The following PGAP3 variants were observed in gnomAD, a reference collection of about 807,000 sequenced individuals.
PGAP3 encodes GPI-specific phospholipase A2-like PGAP3.
Under a neutral mutation model 40.3 loss-of-function variants are expected in PGAP3, and 31 were observed. That is an observed-to-expected ratio of 0.77 (90% CI 0.58 to 1.04). The LOEUF is 1.04. Among genes scored for constraint, PGAP3 ranks in the 50% least tolerant of loss-of-function variants. PGAP3 has a pLI of 0.00. For synonymous variants in PGAP3, 191 were observed against 184.5 expected (o/e 1.04, Z -0.29); for missense variants, 413 against 423.0 (o/e 0.98, Z 0.21).
intron 5 of PGAP3, 51 bp from the exon 6 acceptor site, chr17:39,673,701 C>G (rs755181506): frequency 1.9e-6 from 3 of 1,603,692 alleles, no homozygotes; most frequent in Non-Finnish European, 2.6e-6. Context: ...ATCCCCAGAG[C>G]AGCATTCCCT....
intron 3 of PGAP3, among the ~76,000 whole-genome samples, chr17:39,676,303 G>A (rs2057374450): frequency 6.6e-6 from 1 of 152,180 alleles, no homozygotes; most frequent in African/African-American, 2.4e-5. Context: ...GCCAATGTGG[G>A]AAGGAGAAGA....
chr17:39,680,122 C>G (rs147254219), intron 3 of PGAP3, among the ~76,000 whole-genome samples: 6 of 152,178 alleles, frequency 3.9e-5, no homozygotes, highest in African/African-American at 1.4e-4. Flanking sequence ...AGTGCTAAAC[C>G]CTGTCTCCAC....
chr17:39,685,877 C>A (rs752851537), intron 2 of PGAP3, 45 bp downstream of exon 2: 3 of 1,554,654 alleles, frequency 1.9e-6, no homozygotes, highest in South Asian at 1.1e-5. Context: ...GTATATTACT[C>A]CTACCACGCT....
chr17:39,675,339 T>C (rs942312608), intron 3 of PGAP3, among the ~76,000 whole-genome samples: 2 of 152,240 alleles, frequency 1.3e-5, no homozygotes, highest in African/African-American at 4.8e-5. Flanking sequence ...TGAGGCCTTC[T>C]TCCTGGAAAT....
intron 3 of PGAP3, among the ~76,000 whole-genome samples, chr17:39,679,976 G>A (rs2057419514): frequency 6.6e-6 from 1 of 152,096 alleles, no homozygotes; most frequent in Non-Finnish European, 1.5e-5. Flanking sequence ...AGAGGACGCG[G>A]TCTCCCCACC....
At chr17:39,677,124 C>G (rs1411081502) in intron 3 of PGAP3, among the ~76,000 whole-genome samples, 5 of 152,216 alleles carry the variant, frequency 3.3e-5, no homozygotes, top group African/African-American at 1.2e-4. Context: ...TGAGCCTCCA[C>G]TGCCTCACCT....
chr17:39,684,799 T>C (rs891677883), intron 2 of PGAP3, 50 bp from the exon 3 acceptor site: 10 of 1,508,348 alleles, frequency 6.6e-6, no homozygotes, highest in Middle Eastern at 1.8e-4. Flanking sequence ...AACCCTCAAC[T>C]GGCCCAGTCC....
chr17:39,687,767 C>T (rs929015004), intron 1 of PGAP3, 67 bp downstream of exon 1: 5 of 1,199,878 alleles, frequency 4.2e-6, no homozygotes, highest in African/African-American at 1.6e-5. Context: ...ATTGCAGAGG[C>T]GTATTGGGGG....
At chr17:39,673,837 T>C in intron 5 of PGAP3, 156 bp downstream of exon 5, 1 of 1,192,260 alleles carries the variant, frequency 8.4e-7, no homozygotes, top group Non-Finnish European at 1.2e-6. Context: ...CCCCCAGTCC[T>C]ACCCCAGAGT....
Position 39,685,922 on chromosome 17 carries a change from C to T in PGAP3, c.279G>A (p.Lys93=). The T allele has an allele frequency of 1.2e-6, 2 of 1,612,436 alleles. No homozygotes were observed. Among genetic ancestry groups the T allele is most frequent in the Non-Finnish European group, 1.7e-6 (2 of 1,178,738 alleles). The change falls in exon 2 of 8, where the codon AAG becomes AAA. Residue 93 remains lysine, a splice_region_variant and synonymous_variant. Coordinates refer to ENST00000300658, the MANE Select transcript of PGAP3 (RefSeq NM_033419.5). ...EGHKVPQFHG[K]WPFSRFLFFQ... is the part of the protein sequence containing the mutation. The stretch of plus-strand genomic sequence containing the variant: ...TGCCTACCCTGACCCTCCAACTCAC[C>T]TTGCCATGGAACTGAGGCACTTTGT...
At chr17:39,682,335 G>A (rs1215121410) in intron 3 of PGAP3, among the ~76,000 whole-genome samples, 3 of 142,238 alleles carry the variant, frequency 2.1e-5, no homozygotes, top group East Asian at 2.1e-4. Flanking sequence ...CCACTGTTCT[G>A]CTATTGCCCA....
At chr17:39,686,454 C>T (rs907862131) in intron 1 of PGAP3, among the ~76,000 whole-genome samples, 1 of 151,820 alleles carries the variant, frequency 6.6e-6, no homozygotes, top group African/African-American at 2.4e-5. Context: ...TGGGGTTTCT[C>T]CATGTTGGTC....
chr17:39,673,890 G>A (rs1176044724), intron 5 of PGAP3, 103 bp downstream of exon 5: 3 of 1,391,274 alleles, frequency 2.2e-6, no homozygotes, highest in Non-Finnish European at 2.0e-6. Context: ...GGGGGGCGTA[G>A]GTGTTGGGAG....
At chr17:39,680,980 C>T (rs1191286132) in intron 3 of PGAP3, among the ~76,000 whole-genome samples, 4 of 152,186 alleles carry the variant, frequency 2.6e-5, no homozygotes, top group Non-Finnish European at 5.9e-5. Context: ...CCTCCCACCT[C>T]AGCCTCCTAC....
chr17:39,673,886 C>T (rs541310926), intron 5 of PGAP3, 107 bp downstream of exon 5: 30 of 1,367,160 alleles, frequency 2.2e-5, no homozygotes, highest in African/African-American at 1.9e-4. Flanking sequence ...GGTTGGGGGG[C>T]GTAGGTGTTG....
At chr17:39,684,448 C>A (rs1339197654) in intron 3 of PGAP3, 149 bp downstream of exon 3, 4 of 1,005,730 alleles carry the variant, frequency 4.0e-6, no homozygotes, top group Non-Finnish European at 5.6e-6. Flanking sequence ...TGTTTTCTCC[C>A]CAGGCTTTAC....
At chr17:39,673,870 G>C (rs1022656601) in intron 5 of PGAP3, 123 bp downstream of exon 5, 2 of 1,286,412 alleles carry the variant, frequency 1.6e-6, no homozygotes, top group African/African-American at 2.9e-5. Context: ...CAGCTGATGT[G>C]TTGGGGGTTG....
At position 39,674,671 on chromosome 17, in the gene PGAP3, G is replaced by A; in HGVS notation, c.441C>T (p.Leu147=). 1 of 1,551,080 alleles carries A rather than the reference G, an allele frequency of 6.4e-7. No individual in the cohort carries two copies. The highest frequency in any genetic ancestry group is 1.4e-5 in the African/African-American group (1 of 73,140). Reference sequence around the variant, plus strand: ...AAACTGTGGACCAGAACCATGCATTGAGGGACACCTAAGGAGGGAGGGGCT... The same window carrying A: ...AAACTGTGGACCAGAACCATGCATTAAGGGACACCTAAGGAGGGAGGGGCT... ...HTCVAFAWVS[L]NAWFWSTVFH... The change falls in exon 4 of 8, where the codon CTC becomes CTT. Residue 147 remains leucine, a synonymous_variant. Coordinates refer to ENST00000300658, the MANE Select transcript of PGAP3 (RefSeq NM_033419.5).
At position 39,686,026 on chromosome 17, in the gene PGAP3, C is replaced by T. The variant is rs1416099299; in HGVS notation, c.182-7G>A. On this transcript the variant is annotated splice_region_variant and splice_polypyrimidine_tract_variant and intron_variant, in intron 1 of 7. Transcript: ENST00000300658. ...TCGTCCCGACAGGTCCAGCCTGAAA[C>T]AGACAAATGTGGCCTGGTGAACTCC... 4.3e-6 allele frequency: 7 copies of T among 1,610,632 alleles called. No individual in the cohort carries two copies. In the Admixed American group the frequency reaches 1.0e-4, roughly 23 times the overall value.
Sources: allele counts gnomAD v4.1 joint callset (sites outside exome capture counted in the v4.1 genomes callset), GRCh38; gene constraint gnomAD v4.1.1; transcripts MANE v1.5; gene names NCBI Gene and HGNC (gene_info 2026-07-23, HGNC 2026-07-21).